The following NKAIN3 variants were observed in gnomAD, a reference collection of about 807,000 sequenced individuals.
NKAIN3 encodes sodium/potassium transporting ATPase interacting 3.
NKAIN3 carries 25 observed loss-of-function variants against 30.2 expected under a neutral mutation model. The observed-to-expected ratio is 0.83, with a 90% CI of 0.60 to 1.16. The LOEUF (loss-of-function observed/expected upper bound fraction) is 1.16. Among genes scored for constraint, NKAIN3 ranks in the 50% most tolerant of loss-of-function variants. The pLI is 0.00. For synonymous variants in NKAIN3, 91 were observed against 89.6 expected, an observed-to-expected ratio of 1.02 and a Z score of -0.09; for missense variants, 225 against 254.1, an observed-to-expected ratio of 0.89 and a Z score of 0.78.
intron 1 of NKAIN3, among the ~76,000 whole-genome samples, chr8:62,463,816 A>G (rs75995873): frequency 0.03 from 4,528 of 152,296 alleles, 259 homozygotes; most frequent in African/African-American, 0.1. Context: ...AAGATTAACA[A>G]TAAATAAAGT....
chr8:62,911,926 T>C (rs1287735695), intron 4 of NKAIN3, among the ~76,000 whole-genome samples: 3 of 152,200 alleles, frequency 2.0e-5, no homozygotes, highest in Non-Finnish European at 4.4e-5. Flanking sequence ...ATCTGACTTA[T>C]AGTTTAACAC....
At chr8:62,586,142 G>T (rs1274667942) in intron 2 of NKAIN3, among the ~76,000 whole-genome samples, 2 of 152,168 alleles carry the variant, frequency 1.3e-5, no homozygotes, top group African/African-American at 4.8e-5. Flanking sequence ...TTATGCAAAT[G>T]CTCATGTGCA....
At chr8:62,865,944 T>C (rs992476861) in intron 4 of NKAIN3, among the ~76,000 whole-genome samples, 15 of 152,228 alleles carry the variant, frequency 9.9e-5, no homozygotes, top group South Asian at 8.3e-4. Flanking sequence ...TCCATAACAG[T>C]CCTTTCACAT....
chr8:62,819,139 A>G (rs1408825695), intron 4 of NKAIN3, among the ~76,000 whole-genome samples: 1 of 106,506 alleles, frequency 9.4e-6, no homozygotes, highest in African/African-American at 3.2e-5. Flanking sequence ...ATCGTTATAT[A>G]TATATATATA....
At chr8:62,357,293 C>T (rs1684626770) in intron 1 of NKAIN3, among the ~76,000 whole-genome samples, 1 of 151,516 alleles carries the variant, frequency 6.6e-6, no homozygotes, top group South Asian at 2.1e-4. Context: ...GTGGTGTATA[C>T]ATGTAATCGT....
At chr8:62,528,845 C>T (rs78187749) in intron 1 of NKAIN3, among the ~76,000 whole-genome samples, 1,912 of 152,154 alleles carry the variant, frequency 0.013, 12 homozygotes, top group Middle Eastern at 0.034. Flanking sequence ...TGGGAAAGGG[C>T]GAGGAACTGA....
At chr8:62,759,132 C>T (rs1816558137) in intron 4 of NKAIN3, among the ~76,000 whole-genome samples, 1 of 152,090 alleles carries the variant, frequency 6.6e-6, no homozygotes. Flanking sequence ...ATAACCACAT[C>T]AAAATTATTG....
chr8:62,428,819 C>G (rs983803255), intron 1 of NKAIN3, among the ~76,000 whole-genome samples: 5 of 151,732 alleles, frequency 3.3e-5, no homozygotes, highest in African/African-American at 1.2e-4. Context: ...TGTAGAGAAG[C>G]TTTTTAGCTT....
chr8:62,279,682 G>A (rs1813101283), intron 1 of NKAIN3, among the ~76,000 whole-genome samples: 1 of 152,172 alleles, frequency 6.6e-6, no homozygotes, highest in Admixed American at 6.5e-5. Context: ...TCAGATGGCT[G>A]TAGATAAGTG....
rs1823958195 is a variant in NKAIN3 at position 62,977,053 on chromosome 8, C to T, written c.*11646C>T. 6.6e-6 allele frequency among the ~76,000 whole-genome samples: 1 copy of T among 152,192 alleles called. No individual in the cohort carries two copies. Among genetic ancestry groups the T allele is most frequent in the African/African-American group, 2.4e-5 (1 of 41,444 alleles). On this transcript the variant is annotated 3_prime_UTR_variant, in exon 7 of 7. Coordinates refer to ENST00000623646, the MANE Select transcript of NKAIN3 (RefSeq NM_001304533.3). ...TTTAGGGTTTCTGCAGAGAGATCTGCTGTTAGTATGATGGGCTTCCCTTTG... is the reference window on the plus strand; with the variant it reads ...TTTAGGGTTTCTGCAGAGAGATCTGTTGTTAGTATGATGGGCTTCCCTTTG...
intron 3 of NKAIN3, among the ~76,000 whole-genome samples, chr8:62,727,002 C>G (rs1164572083): frequency 6.6e-6 from 1 of 151,970 alleles, no homozygotes; most frequent in Non-Finnish European, 1.5e-5. Flanking sequence ...GAATTACATA[C>G]CACACCAAGT....
intron 2 of NKAIN3, among the ~76,000 whole-genome samples, chr8:62,582,761 C>A (rs1444506390): frequency 6.6e-6 from 1 of 152,158 alleles, no homozygotes; most frequent in African/African-American, 2.4e-5. Context: ...CAGGCACTAA[C>A]CATGTAAGGA....
chr8:62,945,887 A>G (rs1301709315), intron 5 of NKAIN3, among the ~76,000 whole-genome samples: 2 of 152,180 alleles, frequency 1.3e-5, no homozygotes, highest in East Asian at 1.9e-4. Context: ...AGTTCTTCAC[A>G]TAAGTACCTG....
At chr8:62,308,546 T>C (rs1814328434) in intron 1 of NKAIN3, among the ~76,000 whole-genome samples, 1 of 150,670 alleles carries the variant, frequency 6.6e-6, no homozygotes, top group African/African-American at 2.5e-5. Flanking sequence ...AGAAAATTTA[T>C]GGGCATATTG....
chr8:62,974,902 G>C lies in NKAIN3; in HGVS notation c.*9495G>C, dbSNP rs544450331. ...TTGAATTTTGTCGAAGGCCTTTTCC[G>C]CATCTATTGAGATAATCATGTGGTT... is the stretch of plus-strand genomic sequence containing the variant. On this transcript the variant is annotated 3_prime_UTR_variant, in exon 7 of 7. Coordinates refer to ENST00000623646, the MANE Select transcript of NKAIN3 (RefSeq NM_001304533.3). Among the ~76,000 whole-genome samples the C allele has an allele frequency of 6.6e-6, 1 of 152,114 alleles. No individual in the cohort carries two copies. Among genetic ancestry groups the C allele is most frequent in the African/African-American group, 2.4e-5 (1 of 41,410 alleles).
At chr8:62,799,601 T>C (rs10097680) in intron 4 of NKAIN3, among the ~76,000 whole-genome samples, 12,453 of 152,296 alleles carry the variant, frequency 0.082, 527 homozygotes, top group Middle Eastern at 0.099. Flanking sequence ...TTGGTGGGAA[T>C]GTAAACTAGT....
At chr8:62,262,726 C>T (rs1812483811) in intron 1 of NKAIN3, among the ~76,000 whole-genome samples, 1 of 152,060 alleles carries the variant, frequency 6.6e-6, no homozygotes, top group Non-Finnish European at 1.5e-5. Context: ...TCTTCCCGCA[C>T]GTGGTTCTGT....
intron 1 of NKAIN3, among the ~76,000 whole-genome samples, chr8:62,548,428 G>A (rs1308127179): frequency 6.6e-6 from 1 of 152,078 alleles, no homozygotes; most frequent in Non-Finnish European, 1.5e-5. Flanking sequence ...CTGTCCAGGG[G>A]CCTGGGGCTA....
chr8:62,905,526 T>C (rs1315467220), intron 4 of NKAIN3, among the ~76,000 whole-genome samples: 3 of 152,220 alleles, frequency 2.0e-5, no homozygotes, highest in Non-Finnish European at 2.9e-5. Context: ...GCGACTATCC[T>C]TTTTCTCCTC....
Sources: gnomAD v4.1 joint callset for allele counts (sites outside exome capture counted in the v4.1 genomes callset) on GRCh38, gnomAD v4.1.1 for gene constraint, MANE v1.5 for transcripts, NCBI Gene and HGNC (gene_info 2026-07-23, HGNC 2026-07-21) for gene names.